Variants in GNG2 observed in about 807,000 individuals in gnomAD.
GNG2 encodes guanine nucleotide-binding protein G(I)/G(S)/G(O) subunit gamma-2.
GNG2 carries 5 observed loss-of-function variants against 5.5 expected under a neutral mutation model. That is an observed-to-expected ratio of 0.91 (90% CI 0.48 to 1.92). The LOEUF (loss-of-function observed/expected upper bound fraction) is 1.92, where lower values mean the gene tolerates loss of function less well. GNG2 is among the 30% of genes most tolerant of loss of function. The pLI, the probability that GNG2 is intolerant of heterozygous loss-of-function variation, is 0.01. For synonymous variants in GNG2, 28 were observed against 32.0 expected, an observed-to-expected ratio of 0.88 and a Z score of 0.42; for missense variants, 55 against 88.4, an observed-to-expected ratio of 0.62 and a Z score of 1.52.
chr14:51,966,090 G>T (rs1312368424), intron 3 of GNG2, among the ~76,000 whole-genome samples: 1 of 151,436 alleles, frequency 6.6e-6, no homozygotes, highest in African/African-American at 2.4e-5. Flanking sequence ...CACACCTGTA[G>T]TCCCAGCTAC....
chr14:51,921,272 G>A (rs1423416584), intron 2 of GNG2, among the ~76,000 whole-genome samples: 4 of 152,154 alleles, frequency 2.6e-5, no homozygotes, highest in African/African-American at 9.7e-5. Context: ...ATAGTGTTGT[G>A]AGAATTCAGT....
chr14:51,950,390 A>G (rs1888900954), intron 2 of GNG2, among the ~76,000 whole-genome samples: 1 of 152,172 alleles, frequency 6.6e-6, no homozygotes, highest in Non-Finnish European at 1.5e-5. Flanking sequence ...GCCCACTGGG[A>G]GAACATTTGG....
intron 3 of GNG2, chr14:51,951,798 C>A (rs1349915710): frequency 4.4e-6 from 3 of 681,004 alleles, no homozygotes; most frequent in African/African-American, 1.8e-5. Context: ...TCTATGGCTG[C>A]TTTCACTCTA....
At chr14:51,943,502 C>T (rs1173545726) in intron 2 of GNG2, among the ~76,000 whole-genome samples, 2 of 152,200 alleles carry the variant, frequency 1.3e-5, no homozygotes, top group East Asian at 3.9e-4. Flanking sequence ...ACTCTGTCAA[C>T]CCTTTTTATT....
intron 3 of GNG2, among the ~76,000 whole-genome samples, chr14:51,955,974 C>A (rs1005944737): frequency 6.6e-6 from 1 of 152,130 alleles, no homozygotes; most frequent in African/African-American, 2.4e-5. Context: ...TCCAGTTAGA[C>A]GCCATCCTTG....
At chr14:51,885,183 T>G (rs1884364192) in intron 2 of GNG2, among the ~76,000 whole-genome samples, 1 of 152,220 alleles carries the variant, frequency 6.6e-6, no homozygotes, top group Non-Finnish European at 1.5e-5. Flanking sequence ...CCTCCAGGCC[T>G]TAGTTTCCCC....
chr14:51,852,542 C>A (rs72678115), intron 2 of GNG2, among the ~76,000 whole-genome samples: 6 of 152,146 alleles, frequency 3.9e-5, no homozygotes, highest in Non-Finnish European at 7.4e-5. Context: ...GGTAATTTGT[C>A]GGGGCAGGGG....
At chr14:51,935,223 C>T (rs1887917112) in intron 2 of GNG2, among the ~76,000 whole-genome samples, 1 of 151,514 alleles carries the variant, frequency 6.6e-6, no homozygotes, top group African/African-American at 2.4e-5. Context: ...GACGGGGTTT[C>T]ACTGTGTTAG....
chr14:51,841,135 G>A (rs1417663758), intron 2 of GNG2, among the ~76,000 whole-genome samples: 2 of 152,122 alleles, frequency 1.3e-5, no homozygotes, highest in African/African-American at 4.8e-5. Flanking sequence ...ATAACTGGCA[G>A]GCAAAGAAAA....
At chr14:51,827,757 T>C (rs1881067088) in exon 2 of GNG2, 1 of 701,302 alleles carries the variant, frequency 1.4e-6, no homozygotes, top group African/African-American at 1.7e-5. Flanking sequence ...CAGGGGAAAT[T>C]GCAACCTCCA....
intron 2 of GNG2, among the ~76,000 whole-genome samples, chr14:51,828,871 C>A (rs1881105448): frequency 6.6e-6 from 1 of 152,168 alleles, no homozygotes; most frequent in African/African-American, 2.4e-5. Flanking sequence ...AGGCTTAGCC[C>A]CACTACCTCC....
In GNG2 at chr14:51,969,017, T is replaced by A. The variant is rs979063067; in HGVS notation, c.*2330T>A. 1.8e-4 allele frequency: 27 copies of A among 152,238 alleles called. No homozygotes were observed. Among genetic ancestry groups the A allele is most frequent in the African/African-American group, 4.6e-4 (19 of 41,474 alleles). The allele number at this position is 152,238 out of a possible 1,614,324, so 9.4% of individuals were successfully genotyped here. ...GAATTATAATACGAAAATCTTTATATGAGTTTTGGCTTCTTGGTATTTGTA... is the reference window on the plus strand; with the variant it reads ...GAATTATAATACGAAAATCTTTATAAGAGTTTTGGCTTCTTGGTATTTGTA... On this transcript the variant is annotated 3_prime_UTR_variant, in exon 4 of 4. Transcript: ENST00000556766.
At chr14:51,930,067 A>C (rs1393471725) in intron 2 of GNG2, among the ~76,000 whole-genome samples, 1 of 152,216 alleles carries the variant, frequency 6.6e-6, no homozygotes, top group Admixed American at 6.5e-5. Flanking sequence ...TGTTAGCCTC[A>C]AGCCATGTGA....
At chr14:51,950,818 C>A in intron 3 of GNG2, 53 bp downstream of exon 3, 2 of 1,030,238 alleles carry the variant, frequency 1.9e-6, no homozygotes, top group South Asian at 1.7e-5. Context: ...AGGCGCATGT[C>A]ATGTGACCAC....
intron 2 of GNG2, among the ~76,000 whole-genome samples, chr14:51,949,482 A>G (rs527976188): frequency 6.6e-6 from 1 of 152,288 alleles, no homozygotes; most frequent in Non-Finnish European, 1.5e-5. Flanking sequence ...AAGTAACCTG[A>G]TCTTACTTCA....
chr14:51,938,762 C>G (rs562129860), intron 2 of GNG2, among the ~76,000 whole-genome samples: 5 of 152,072 alleles, frequency 3.3e-5, no homozygotes, highest in Non-Finnish European at 7.4e-5. Flanking sequence ...CTTTGTTCAC[C>G]AAAGGATTTC....
intron 3 of GNG2, among the ~76,000 whole-genome samples, chr14:51,961,140 C>T (rs1889589954): frequency 6.6e-6 from 1 of 152,206 alleles, no homozygotes; most frequent in African/African-American, 2.4e-5. Context: ...CTCCTCTGTG[C>T]TGCCTATTGT....
intron 1 of GNG2, among the ~76,000 whole-genome samples, chr14:51,827,175 C>A (rs1020030092): frequency 1.3e-5 from 2 of 152,208 alleles, no homozygotes; most frequent in African/African-American, 2.4e-5. Context: ...AATTAAATCA[C>A]AATCCCTAGG....
rs776594882 is a variant in GNG2 at position 51,966,626 on chromosome 14, C to G, written c.155C>G (p.Thr52Ser). Residue 52 changes from threonine (T) to serine (S), a missense_variant, in exon 4 of 4, where the codon ACC (threonine) becomes AGC (serine). Coordinates refer to ENST00000556766, the MANE Select transcript of GNG2 (RefSeq NM_053064.5). Reference protein sequence around the residue: ...EAHAKEDPLLTPVPASENPFR... With the variant: ...EAHAKEDPLLSPVPASENPFR... ...CATGCCAAGGAAGACCCCCTCCTGA[C>G]CCCTGTTCCGGCTTCAGAAAACCCG... The G allele has an allele frequency of 2.4e-5, 38 of 1,613,060 alleles. No individual in the cohort carries two copies. The highest frequency in any genetic ancestry group is 3.1e-5 in the Non-Finnish European group (36 of 1,179,124).
Sources: gnomAD v4.1 joint callset for allele counts (sites outside exome capture counted in the v4.1 genomes callset) on GRCh38, gnomAD v4.1.1 for gene constraint, MANE v1.5 for transcripts, NCBI Gene and HGNC (gene_info 2026-07-23, HGNC 2026-07-21) for gene names.